LGSN: variants seen among roughly 807,000 people sequenced by gnomAD.
The protein encoded by LGSN is lengsin.
LGSN carries 21 observed loss-of-function variants against 19.5 expected under a neutral mutation model. The observed-to-expected ratio is 1.07, with a 90% CI of 0.76 to 1.55. The LOEUF (loss-of-function observed/expected upper bound fraction) is 1.55, where lower values mean the gene tolerates loss of function less well. Ranked by LOEUF, LGSN falls within the 40% of genes most tolerant of loss-of-function variation. The pLI is 0.00. For synonymous variants in LGSN, 257 were observed against 215.6 expected, an observed-to-expected ratio of 1.19 and a Z score of -1.68; for missense variants, 673 against 608.5, an observed-to-expected ratio of 1.11 and a Z score of -1.12.
the LGSN span, among the ~76,000 whole-genome samples, chr6:63,366,156 T>C: frequency 6.6e-6 from 1 of 152,220 alleles, no homozygotes; most frequent in Non-Finnish European, 1.5e-5. Flanking sequence ...ATTGTCCCTG[T>C]TTGCAGGTGA....
the LGSN span, among the ~76,000 whole-genome samples, chr6:63,392,819 C>G: frequency 1.3e-5 from 2 of 151,264 alleles, no homozygotes; most frequent in Non-Finnish European, 2.9e-5. Flanking sequence ...TAAAACCGAG[C>G]TGCAGACATT....
the LGSN span, among the ~76,000 whole-genome samples, chr6:63,516,254 A>G: frequency 6.6e-6 from 1 of 152,224 alleles, no homozygotes; most frequent in African/African-American, 2.4e-5. Context: ...CCTATCCAAA[A>G]GGTCAGCAAA....
the LGSN span, among the ~76,000 whole-genome samples, chr6:63,509,870 G>A: frequency 6.6e-6 from 1 of 152,246 alleles, no homozygotes; most frequent in Admixed American, 6.5e-5. Flanking sequence ...GTTTAGCACA[G>A]TGTTTTGCCC....
the LGSN span, among the ~76,000 whole-genome samples, chr6:63,491,953 C>T: frequency 5.2e-3 from 792 of 151,456 alleles, 5 homozygotes; most frequent in South Asian, 0.025. Flanking sequence ...CGCTTGAACC[C>T]GGGAGGCGGA....
the LGSN span, among the ~76,000 whole-genome samples, chr6:63,390,783 C>A: frequency 6.6e-6 from 1 of 150,548 alleles, no homozygotes; most frequent in Non-Finnish European, 1.5e-5. Flanking sequence ...GGCGTGAACC[C>A]CGGGGGACGG....
the LGSN span, among the ~76,000 whole-genome samples, chr6:63,529,137 GTATATATATATGTATATATATGTGTGTA>G: frequency 3.0e-4 from 41 of 136,772 alleles, no homozygotes; most frequent in South Asian, 9.1e-4. Flanking sequence ...ATATGTGTGT[GTATATATATATGTATATATATGTGTGTA>G]TATATATATA....
At chr6:63,412,106 C>T in the LGSN span, among the ~76,000 whole-genome samples, 1 of 152,034 alleles carries the variant, frequency 6.6e-6, no homozygotes, top group South Asian at 2.1e-4. Flanking sequence ...GTGGCTTACG[C>T]CTGTAATCCC....
At chr6:63,439,265 T>G in the LGSN span, among the ~76,000 whole-genome samples, 2 of 152,086 alleles carry the variant, frequency 1.3e-5, no homozygotes, top group African/African-American at 4.8e-5. Context: ...AATGACGAGT[T>G]AATGGGTGCA....
At chr6:63,359,766 G>T in the LGSN span, among the ~76,000 whole-genome samples, 1 of 151,832 alleles carries the variant, frequency 6.6e-6, no homozygotes, top group Non-Finnish European at 1.5e-5. Context: ...CAATTTTGTT[G>T]ATCTTTTCAA....
the LGSN span, among the ~76,000 whole-genome samples, chr6:63,339,083 G>A: frequency 5.3e-5 from 8 of 152,084 alleles, no homozygotes; most frequent in Non-Finnish European, 1.5e-5. Context: ...GACTTGTTTT[G>A]TGGCCTAATA....
chr6:63,321,708 GT>G (rs1485966173), upstream of LGSN, among the ~76,000 whole-genome samples: 2 of 152,070 alleles, frequency 1.3e-5, no homozygotes, highest in Non-Finnish European at 2.9e-5. Context: ...TTTAGAATCA[GT>G]TTTTCCAAAG....
the LGSN span, among the ~76,000 whole-genome samples, chr6:63,549,854 C>T: frequency 6.6e-6 from 1 of 151,986 alleles, no homozygotes; most frequent in Non-Finnish European, 1.5e-5. Context: ...TTAAAGAATA[C>T]AAAATTGCAA....
the LGSN span, among the ~76,000 whole-genome samples, chr6:63,409,701 T>C: frequency 6.6e-6 from 1 of 152,222 alleles, no homozygotes; most frequent in East Asian, 1.9e-4. Context: ...ACAGACTTTT[T>C]TGCTACATGA....
the LGSN span, among the ~76,000 whole-genome samples, chr6:63,335,194 T>C: frequency 6.6e-6 from 1 of 150,918 alleles, no homozygotes; most frequent in East Asian, 1.9e-4. Flanking sequence ...CTTTGATAGT[T>C]GGTGCTGGGA....
chr6:63,419,073 G>A, the LGSN span, among the ~76,000 whole-genome samples: 1 of 152,102 alleles, frequency 6.6e-6, no homozygotes, highest in Admixed American at 6.6e-5. Flanking sequence ...GTCAGTAGAA[G>A]TGAGGAGCAC....
At chr6:63,461,086 A>G in the LGSN span, among the ~76,000 whole-genome samples, 1 of 152,082 alleles carries the variant, frequency 6.6e-6, no homozygotes, top group South Asian at 2.1e-4. Flanking sequence ...TTTTTCCCCC[A>G]AGACGGAGTC....
the LGSN span, among the ~76,000 whole-genome samples, chr6:63,459,187 T>A: frequency 6.6e-6 from 1 of 152,160 alleles, no homozygotes; most frequent in Non-Finnish European, 1.5e-5. Flanking sequence ...AAAATGGAAG[T>A]CAGAAATCAG....
At chr6:63,293,824 A>G in intron 2 of LGSN, 1 of 454,844 alleles carries the variant, frequency 2.2e-6, no homozygotes, top group South Asian at 1.6e-5. Context: ...GTGTTCCCTA[A>G]TTTGTGGCAC....
chr6:63,537,672 G>A, the LGSN span, among the ~76,000 whole-genome samples: 126 of 152,352 alleles, frequency 8.3e-4, no homozygotes, highest in African/African-American at 2.8e-3. Flanking sequence ...CACAAGCTGA[G>A]TACAATCAGT....
Sources: allele counts gnomAD v4.1 joint callset (sites outside exome capture counted in the v4.1 genomes callset), GRCh38; gene constraint gnomAD v4.1.1; transcripts MANE v1.5; gene names NCBI Gene and HGNC (gene_info 2026-07-23, HGNC 2026-07-21).